The following SVEP1 variants were observed in gnomAD, a reference collection of about 807,000 sequenced individuals.
SVEP1 encodes the protein sushi, von Willebrand factor type A, EGF and pentraxin domain-containing protein 1.
Under a neutral mutation model 367.3 loss-of-function variants are expected in SVEP1, and 164 were observed. The ratio of observed to expected loss-of-function variants is 0.45; its 90% CI spans 0.39 to 0.51. The LOEUF is 0.51. Ranked by LOEUF, SVEP1 falls within the 20% of genes least tolerant of loss-of-function variation. SVEP1 has a pLI of 0.00. For missense variants in SVEP1, 4,117 were observed against 4,425.3 expected (o/e 0.93, Z 1.98); for synonymous variants, 1,666 against 1,611.6 (o/e 1.03, Z -0.81).
At chr9:110,486,188 T>C (rs992268063) in intron 9 of SVEP1, among the ~76,000 whole-genome samples, 1 of 152,232 alleles carries the variant, frequency 6.6e-6, no homozygotes, top group South Asian at 2.1e-4. Context: ...AGTCAATTCA[T>C]AGCTAAATTT....
intron 39 of SVEP1, among the ~76,000 whole-genome samples, chr9:110,403,453 C>A (rs909671987): frequency 1.3e-5 from 2 of 151,478 alleles, no homozygotes; most frequent in Admixed American, 6.6e-5. Context: ...TATAGGCATG[C>A]GCCACTATGC....
intron 32 of SVEP1, among the ~76,000 whole-genome samples, chr9:110,430,744 G>A (rs1384378083): frequency 3.9e-5 from 6 of 152,208 alleles, no homozygotes; most frequent in Non-Finnish European, 7.3e-5. Context: ...GCTAGAGAGT[G>A]GCTTAGAAGG....
At chr9:110,366,869 G>A (rs183671085) in intron 47 of SVEP1, among the ~76,000 whole-genome samples, 1 of 152,256 alleles carries the variant, frequency 6.6e-6, no homozygotes, top group Admixed American at 6.5e-5. Flanking sequence ...TGAACCTAAA[G>A]GTCTCTTAGT....
chr9:110,578,966 A>AAGGGCCCGGGGACT, intron 1 of SVEP1, 47 bp downstream of exon 1: 9 of 1,533,126 alleles, frequency 5.9e-6, no homozygotes, highest in Non-Finnish European at 7.9e-6. Flanking sequence ...CGGTGGGTCG[A>AAGGGCCCGGGGACT]AGGGCCCGGG....
At chr9:110,481,940 T>G (rs1425642378) in intron 11 of SVEP1, among the ~76,000 whole-genome samples, 1 of 152,126 alleles carries the variant, frequency 6.6e-6, no homozygotes, top group Non-Finnish European at 1.5e-5. Context: ...CTCAAACTCC[T>G]GATCTCAAGT....
chr9:110,550,392 T>A (rs1246745872), intron 1 of SVEP1, among the ~76,000 whole-genome samples: 1 of 152,208 alleles, frequency 6.6e-6, no homozygotes, highest in Admixed American at 6.5e-5. Context: ...GAATTTTTAA[T>A]CAATATTATC....
At chr9:110,480,102 T>C (rs75432053) in intron 12 of SVEP1, among the ~76,000 whole-genome samples, 4,256 of 152,334 alleles carry the variant, frequency 0.028, 208 homozygotes, top group African/African-American at 0.096. Context: ...GGCTCAAAGT[T>C]GTTATATCTT....
chr9:110,460,381 G>A (rs1828839329), intron 18 of SVEP1, among the ~76,000 whole-genome samples: 1 of 152,094 alleles, frequency 6.6e-6, no homozygotes, highest in South Asian at 2.1e-4. Context: ...AGTATAACGT[G>A]TATTATTAGT....
chr9:110,423,680 A>C (rs570041183), intron 36 of SVEP1, among the ~76,000 whole-genome samples: 1 of 152,130 alleles, frequency 6.6e-6, no homozygotes, highest in Non-Finnish European at 1.5e-5. Context: ...TAAAATAAAA[A>C]ATTCTATAAC....
intron 3 of SVEP1, among the ~76,000 whole-genome samples, chr9:110,535,849 T>C (rs1830072072): frequency 6.6e-6 from 1 of 152,168 alleles, no homozygotes; most frequent in Non-Finnish European, 1.5e-5. Flanking sequence ...GTTTATCAGC[T>C]GAATGAGTTT....
At chr9:110,536,419 T>G (rs1318346115) in intron 3 of SVEP1, among the ~76,000 whole-genome samples, 1 of 152,006 alleles carries the variant, frequency 6.6e-6, no homozygotes, top group Non-Finnish European at 1.5e-5. Flanking sequence ...GGCAAAGACT[T>G]TGCAAGTGGC....
intron 1 of SVEP1, among the ~76,000 whole-genome samples, chr9:110,565,726 G>A (rs572803068): frequency 1.3e-5 from 2 of 152,068 alleles, no homozygotes; most frequent in East Asian, 3.9e-4. Context: ...TCCTGTATCT[G>A]CTCCAACCTG....
intron 18 of SVEP1, among the ~76,000 whole-genome samples, chr9:110,465,190 G>T (rs1347251832): frequency 6.6e-6 from 1 of 151,940 alleles, no homozygotes; most frequent in Admixed American, 6.6e-5. Context: ...CTGGAGGTAA[G>T]GCCTCACAAT....
chr9:110,506,010 T>C (rs1305110499), intron 5 of SVEP1, among the ~76,000 whole-genome samples: 1 of 152,132 alleles, frequency 6.6e-6, no homozygotes, highest in Non-Finnish European at 1.5e-5. Flanking sequence ...GATGTTCCCC[T>C]CCCTGTGTCC....
intron 24 of SVEP1, among the ~76,000 whole-genome samples, chr9:110,448,837 C>T (rs1828646815): frequency 6.6e-6 from 1 of 152,162 alleles, no homozygotes; most frequent in Non-Finnish European, 1.5e-5. Context: ...CATGATAAGA[C>T]CTCATTTCCA....
chr9:110,460,751 T>C (rs1828845711), intron 18 of SVEP1, among the ~76,000 whole-genome samples: 2 of 149,726 alleles, frequency 1.3e-5, no homozygotes, highest in South Asian at 4.2e-4. Flanking sequence ...AGACTCCGTC[T>C]CAAAAGAAAA....
rs943606612 is a variant in SVEP1 at position 110,432,494 on chromosome 9, C to G, written c.5201G>C (p.Gly1734Ala). 2 of 1,613,362 alleles carry G rather than the reference C, an allele frequency of 1.2e-6. No individual in the cohort carries two copies. The highest frequency in any genetic ancestry group is 1.7e-6 in the Non-Finnish European group (2 of 1,179,724). ...GGATGGTGAAACGCCGTTCCAGCTC[C>G]CATTATCTGTACAGAACATCCTTGA... ...GDSRMFCTDN[G>A]SWNGVSPSCL... Residue 1734 changes from glycine to alanine, a missense_variant, in exon 31 of 48, where the codon GGG (glycine) becomes GCG (alanine). Coordinates refer to ENST00000374469, the MANE Select transcript of SVEP1 (RefSeq NM_153366.4).
intron 38 of SVEP1, among the ~76,000 whole-genome samples, chr9:110,405,260 A>G (rs538465859): frequency 2.0e-5 from 3 of 150,312 alleles, no homozygotes; most frequent in Non-Finnish European, 4.4e-5. Context: ...AATATGTATT[A>G]TGAATACCTA....
intron 3 of SVEP1, among the ~76,000 whole-genome samples, chr9:110,537,056 G>A (rs1279762943): frequency 6.6e-6 from 1 of 151,926 alleles, no homozygotes; most frequent in African/African-American, 2.4e-5. Flanking sequence ...CAATAAAGAT[G>A]TAAAGGACCT....
Sources: allele counts gnomAD v4.1 joint callset (sites outside exome capture counted in the v4.1 genomes callset), GRCh38; gene constraint gnomAD v4.1.1; transcripts MANE v1.5; gene names NCBI Gene and HGNC (gene_info 2026-07-23, HGNC 2026-07-21).